The following CPXM2 variants were observed in gnomAD, a reference collection of about 807,000 sequenced individuals.
The protein encoded by CPXM2 is carboxypeptidase X, M14 family member 2.
CPXM2 carries 66 observed loss-of-function variants against 86.1 expected under a neutral mutation model. The ratio of observed to expected loss-of-function variants is 0.77; its 90% CI spans 0.63 to 0.94. CPXM2 has a LOEUF of 0.94. CPXM2 is among the 40% of genes least tolerant of loss of function. The pLI, the probability that CPXM2 is intolerant of heterozygous loss-of-function variation, is 0.00. For synonymous variants in CPXM2, 388 were observed against 400.2 expected (o/e 0.97, Z 0.36); for missense variants, 948 against 1,026.3 (o/e 0.92, Z 1.04).
At chr10:123,932,683 T>C (rs756448859) in intron 2 of CPXM2, among the ~76,000 whole-genome samples, 2 of 152,104 alleles carry the variant, frequency 1.3e-5, no homozygotes, top group African/African-American at 2.4e-5. Context: ...GTGTACAAGG[T>C]GAATCAATTT....
Position 123,877,092 on chromosome 10 carries a change from C to A in CPXM2, c.403+3119G>T, listed in dbSNP as rs191674350. On this transcript the variant is annotated intron_variant, in intron 2 of 13. Transcript: ENST00000241305. ...GGGACACATGTAAAAAACAAGCCCT[C>A]ATCTGGCTGCAAACAAAGGGAAGCA... is the stretch of plus-strand genomic sequence containing the variant. 3.9e-3 allele frequency among the ~76,000 whole-genome samples: 600 copies of A among 152,322 alleles called. 4 individuals carry two copies. Among genetic ancestry groups the A allele is most frequent in the African/African-American group, 0.014 (570 of 41,574 alleles).
intron 13 of CPXM2, among the ~76,000 whole-genome samples, chr10:123,748,487 G>A (rs1846011015): frequency 6.6e-6 from 1 of 152,080 alleles, no homozygotes; most frequent in South Asian, 2.1e-4. Flanking sequence ...AAGACACCCC[G>A]TGCAATACAC....
At position 123,851,785 on chromosome 10, in the gene CPXM2, A is replaced by G. The variant is rs1241027196; in HGVS notation, c.514-9297T>C. 1.3e-3 allele frequency among the ~76,000 whole-genome samples: 189 copies of G among 144,020 alleles called. 1 individual carries two copies. The highest frequency in any genetic ancestry group is 3.3e-3 in the East Asian group (16 of 4,778). 94.5% of individuals were successfully genotyped at this position (144,020 alleles called of 152,430 possible). On this transcript the variant is annotated intron_variant, in intron 3 of 13. Coordinates refer to ENST00000241305, the MANE Select transcript of CPXM2 (RefSeq NM_198148.3). The stretch of plus-strand genomic sequence containing the variant: ...CATCATCTCAAAAAAAAAAAAAAAA[A>G]GGGGGCTGGGACAGATGCACTTAGT...
At position 123,771,039 on chromosome 10, in the gene CPXM2, A is replaced by G. The variant is rs1465022482; in HGVS notation, c.979T>C (p.Leu327=). 5.0e-6 allele frequency: 8 copies of G among 1,612,422 alleles called. No homozygotes were observed. The highest frequency in any genetic ancestry group is 6.8e-6 in the Non-Finnish European group (8 of 1,179,266). The change falls in exon 8 of 14, where the codon TTG becomes CTG. Residue 327 remains leucine, a splice_region_variant and synonymous_variant. Transcript: ENST00000241305. The stretch of plus-strand genomic sequence containing the variant: ...CACATTTCATTCACAACTTTCATCA[A>G]CTGAAAAACAAGGTGAATCAAAAAC... ...KHHNYKEMRQ[L]MKVVNEMCPN...
At chr10:123,935,740 T>A (rs181652110) in intron 2 of CPXM2, among the ~76,000 whole-genome samples, 1 of 152,082 alleles carries the variant, frequency 6.6e-6, no homozygotes, top group Non-Finnish European at 1.5e-5. Flanking sequence ...AATACAAGCA[T>A]CATCACCATC....
At chr10:123,911,478 G>T (rs1018402879) in intron 2 of CPXM2, among the ~76,000 whole-genome samples, 4 of 151,742 alleles carry the variant, frequency 2.6e-5, no homozygotes, top group African/African-American at 9.7e-5. Flanking sequence ...GGCTGAATAC[G>T]ATTAGGTTGG....
chr10:123,898,256 A>T (rs1945353446), intron 2 of CPXM2, among the ~76,000 whole-genome samples: 1 of 152,196 alleles, frequency 6.6e-6, no homozygotes, highest in Non-Finnish European at 1.5e-5. Context: ...GACCAATAAT[A>T]TTAAATCAAT....
chr10:123,907,470 C>T (rs1373455925), intron 2 of CPXM2, among the ~76,000 whole-genome samples: 3 of 152,310 alleles, frequency 2.0e-5, no homozygotes, highest in East Asian at 3.9e-4. Flanking sequence ...TCCTTACCCA[C>T]CCTCCCGCAG....
intron 4 of CPXM2, among the ~76,000 whole-genome samples, chr10:123,835,946 A>G (rs1358466025): frequency 1.3e-5 from 2 of 152,188 alleles, no homozygotes; most frequent in Non-Finnish European, 2.9e-5. Context: ...AAACTCAGCC[A>G]AAGGAGGTGT....
At chr10:123,848,993 T>C (rs1301375973) in intron 3 of CPXM2, among the ~76,000 whole-genome samples, 4 of 152,248 alleles carry the variant, frequency 2.6e-5, no homozygotes, top group Non-Finnish European at 5.9e-5. Flanking sequence ...TTATGTTTAG[T>C]ATGTGCCTGC....
chr10:123,751,134 A>G (rs2133967299), intron 13 of CPXM2: 1 of 885,520 alleles, frequency 1.1e-6, no homozygotes, highest in South Asian at 5.2e-5. Context: ...AGACACAGGT[A>G]TTTTGCCTGA....
intron 3 of CPXM2, among the ~76,000 whole-genome samples, chr10:123,846,867 TTTTG>T (rs1036666956): frequency 9.2e-5 from 14 of 152,198 alleles, no homozygotes; most frequent in Admixed American, 2.6e-4. Context: ...TGAAGGTTTT[TTTTG>T]TTTGTTTGTT....
chr10:123,792,105 G>T (rs938543401), intron 6 of CPXM2, among the ~76,000 whole-genome samples: 1 of 152,226 alleles, frequency 6.6e-6, no homozygotes, highest in East Asian at 1.9e-4. Context: ...GAGTCACAGA[G>T]AGGACAGAAA....
chr10:123,830,670 T>C (rs11248292), intron 4 of CPXM2, among the ~76,000 whole-genome samples: 54,627 of 152,032 alleles, frequency 0.36, 11,797 homozygotes, highest in African/African-American at 0.61. Flanking sequence ...TTCCAACAGG[T>C]TAGCGGGCTT....
chr10:123,768,688 G>T lies in CPXM2; in HGVS notation c.1137C>A (p.His379Gln), dbSNP rs756316209. The T allele has an allele frequency of 6.2e-7, 1 of 1,611,180 alleles. No homozygotes were observed. Among genetic ancestry groups the T allele is most frequent in the East Asian group, 2.2e-5 (1 of 44,844 alleles). ...EPEFHYIAGA[H>Q]GNEVLGRELL... Reference sequence around the variant, plus strand: ...GCTCCCGGCCCAGCACCTCATTGCCGTGGGCCCCCGCGATGTAGTGGAACT... The same window carrying T: ...GCTCCCGGCCCAGCACCTCATTGCCTTGGGCCCCCGCGATGTAGTGGAACT... The change falls in exon 9 of 14, where the codon CAC (histidine) becomes CAA (glutamine). Residue 379 changes from histidine (H) to glutamine (Q), a missense_variant. By Grantham distance (24) the His-to-Gln change is conservative (BLOSUM62 0). Transcript: ENST00000241305.
chr10:123,891,504 G>A lies in CPXM2; in HGVS notation c.156C>T (p.Pro52=), dbSNP rs923850252. ...GCGGCGGAGAGAAGGTCTCGAGCTCGGGCTCCGGGCGCGCGTAGTAGGGCT... is the reference window on the plus strand; with the variant it reads ...GCGGCGGAGAGAAGGTCTCGAGCTCAGGCTCCGGGCGCGCGTAGTAGGGCT... ...SREPYYARPE[P]ELETFSPPLP... The change falls in exon 1 of 14, where the codon CCC becomes CCT. Residue 52 remains proline, a synonymous_variant. Coordinates refer to ENST00000241305, the MANE Select transcript of CPXM2 (RefSeq NM_198148.3). This position sits in a 1 kb window ranked among gnomAD's most constrained non-coding sequence, Gnocchi z 5.6. 90 of 1,547,586 alleles carry A rather than the reference G, an allele frequency of 5.8e-5. No homozygotes were observed. The highest frequency in any genetic ancestry group is 7.2e-5 in the Non-Finnish European group (83 of 1,145,232).
intron 2 of CPXM2, among the ~76,000 whole-genome samples, chr10:123,930,174 T>C (rs192660583): frequency 1.4e-5 from 2 of 145,910 alleles, no homozygotes; most frequent in African/African-American, 5.3e-5. Flanking sequence ...AGTTCTCAGC[T>C]CTCCTGGGAA....
At chr10:123,909,580 C>T (rs967314638) in intron 2 of CPXM2, among the ~76,000 whole-genome samples, 4 of 152,166 alleles carry the variant, frequency 2.6e-5, no homozygotes, top group Non-Finnish European at 4.4e-5. Context: ...CGTTCAAAGC[C>T]TCCAGAATAT....
chr10:123,901,065 G>A (rs1945377132), intron 2 of CPXM2, among the ~76,000 whole-genome samples: 1 of 152,104 alleles, frequency 6.6e-6, no homozygotes, highest in African/African-American at 2.4e-5. Flanking sequence ...TGTATTAAAA[G>A]CATTTCTAAT....
Sources: allele counts gnomAD v4.1 joint callset (sites outside exome capture counted in the v4.1 genomes callset), GRCh38; gene constraint gnomAD v4.1.1; non-coding constraint Gnocchi (gnomAD v3.1); transcripts MANE v1.5; gene names NCBI Gene and HGNC (gene_info 2026-07-23, HGNC 2026-07-21).